Variants in NME8 observed in about 807,000 individuals in gnomAD.
NME8 encodes protein NME8.
NME8 carries 72 observed loss-of-function variants against 82.3 expected under a neutral mutation model. That is an observed-to-expected ratio of 0.87 (90% CI 0.72 to 1.06). The LOEUF (loss-of-function observed/expected upper bound fraction) is 1.06. NME8 is among the 50% of genes least tolerant of loss of function. The probability of loss-of-function intolerance (pLI) is 0.00; values close to 1 mark genes in which losing one functional copy is unlikely to be tolerated. For synonymous variants in NME8, 267 were observed against 228.5 expected, an observed-to-expected ratio of 1.17 and a Z score of -1.52; for missense variants, 712 against 685.4, an observed-to-expected ratio of 1.04 and a Z score of -0.43.
At chr7:37,893,403 T>C (rs543135446) in intron 15 of NME8, among the ~76,000 whole-genome samples, 11 of 152,278 alleles carry the variant, frequency 7.2e-5, no homozygotes, top group Non-Finnish European at 1.6e-4. Flanking sequence ...TTCCTTGTTG[T>C]TTTTAGAGGA....
At chr7:37,860,005 C>T (rs1200889509) in intron 6 of NME8, among the ~76,000 whole-genome samples, 1 of 152,132 alleles carries the variant, frequency 6.6e-6, no homozygotes, top group South Asian at 2.1e-4. Flanking sequence ...TTTTAGCTGA[C>T]AACAGATTCA....
At chr7:37,876,241 G>A (rs919335925) in intron 11 of NME8, among the ~76,000 whole-genome samples, 21 of 97,008 alleles carry the variant, frequency 2.2e-4, no homozygotes, top group African/African-American at 5.5e-4. Flanking sequence ...TAGATAGATA[G>A]ATAGATAGAT....
At chr7:37,899,328 A>G (rs183907055) in intron 17 of NME8, among the ~76,000 whole-genome samples, 46 of 152,342 alleles carry the variant, frequency 3.0e-4, no homozygotes, top group African/African-American at 1.0e-3. Flanking sequence ...TGGTACATAT[A>G]TGGCATGGAA....
intron 7 of NME8, among the ~76,000 whole-genome samples, chr7:37,862,748 A>G (rs1332082176): frequency 6.6e-6 from 1 of 152,136 alleles, no homozygotes; most frequent in South Asian, 2.1e-4. Flanking sequence ...GATATTTAAC[A>G]TGATTATCAT....
At chr7:37,852,318 G>T (rs142492633) in intron 5 of NME8, among the ~76,000 whole-genome samples, 48 of 151,480 alleles carry the variant, frequency 3.2e-4, no homozygotes, top group African/African-American at 1.1e-3. Flanking sequence ...GTGGTACATT[G>T]TTACAACGGA....
chr7:37,852,635 A>G (rs1784453596), intron 5 of NME8, among the ~76,000 whole-genome samples: 1 of 152,100 alleles, frequency 6.6e-6, no homozygotes, highest in African/African-American at 2.4e-5. Flanking sequence ...TTACTTAGTG[A>G]TATGCGCCAT....
intron 12 of NME8, among the ~76,000 whole-genome samples, chr7:37,882,602 AGAGAGAGAGAGAGAAAG>A (rs1784974034): frequency 2.9e-4 from 27 of 91,702 alleles, no homozygotes; most frequent in African/African-American, 8.9e-4. Flanking sequence ...AAAGAAAGAG[AGAGAGAGAGAGAGAAAG>A]AAAGAAAGAA....
At chr7:37,850,531 T>C (rs1356978539) in intron 4 of NME8, 96 bp downstream of exon 4, 7 of 1,532,920 alleles carry the variant, frequency 4.6e-6, no homozygotes, top group African/African-American at 1.4e-5. Flanking sequence ...GACCAAGAAA[T>C]CCTGCAGTGC....
At chr7:37,868,043 T>A (rs1256110515) in intron 11 of NME8, 145 bp downstream of exon 11, 1 of 736,436 alleles carries the variant, frequency 1.4e-6, no homozygotes, top group Non-Finnish European at 2.4e-6. Flanking sequence ...TACTGTATAT[T>A]CAGAAGAGCT....
intron 12 of NME8, among the ~76,000 whole-genome samples, chr7:37,881,355 T>C (rs1245126157): frequency 6.6e-6 from 1 of 152,166 alleles, no homozygotes; most frequent in Non-Finnish European, 1.5e-5. Flanking sequence ...CTGGTAATAA[T>C]TTTTATCATG....
At chr7:37,853,565 G>A (rs1177473675) in intron 5 of NME8, among the ~76,000 whole-genome samples, 1 of 152,146 alleles carries the variant, frequency 6.6e-6, no homozygotes. Flanking sequence ...GTGAATCCTG[G>A]CAGTTGGCAT....
intron 17 of NME8, among the ~76,000 whole-genome samples, chr7:37,899,297 A>G (rs1029663451): frequency 4.6e-5 from 7 of 152,216 alleles, no homozygotes; most frequent in Non-Finnish European, 2.9e-5. Flanking sequence ...CCCATCAATG[A>G]TAGACTGGAT....
At chr7:37,853,910 T>C (rs1369827718) in intron 5 of NME8, among the ~76,000 whole-genome samples, 1 of 150,898 alleles carries the variant, frequency 6.6e-6, no homozygotes, top group Admixed American at 6.6e-5. Context: ...TAATAGTGTT[T>C]ATTATAGTTA....
At chr7:37,882,583 GAAAGAAAGAA>G (rs1253601053) in intron 12 of NME8, among the ~76,000 whole-genome samples, 17 of 54,268 alleles carry the variant, frequency 3.1e-4, no homozygotes, top group African/African-American at 1.2e-3. Flanking sequence ...AAGAAAGAAA[GAAAGAAAGAA>G]AGAAAGAGAG....
chr7:37,892,465 T>A (rs892513909), intron 15 of NME8, among the ~76,000 whole-genome samples: 7 of 151,722 alleles, frequency 4.6e-5, no homozygotes. Flanking sequence ...GAAGTCAAAT[T>A]TCTTAAATAC....
chr7:37,864,584 C>T (rs916430524), intron 9 of NME8, among the ~76,000 whole-genome samples, 163 bp downstream of exon 9: 1 of 152,052 alleles, frequency 6.6e-6, no homozygotes, highest in African/African-American at 2.4e-5. Flanking sequence ...TTACAAGGCT[C>T]GATCTATTCA....
At chr7:37,886,696 T>C (rs1021354860) in intron 14 of NME8, among the ~76,000 whole-genome samples, 1 of 152,080 alleles carries the variant, frequency 6.6e-6, no homozygotes, top group Non-Finnish European at 1.5e-5. Flanking sequence ...ATGCTCTGCA[T>C]TGAGTAGAGT....
At chr7:37,870,243 C>G (rs1408988287) in intron 11 of NME8, among the ~76,000 whole-genome samples, 1 of 24,024 alleles carries the variant, frequency 4.2e-5, no homozygotes, top group African/African-American at 1.7e-4. Flanking sequence ...AGCTGATGAA[C>G]TTAAAAAAAA....
At chr7:37,895,075 T>C (rs1785202365) in intron 16 of NME8, among the ~76,000 whole-genome samples, 1 of 152,180 alleles carries the variant, frequency 6.6e-6, no homozygotes, top group Non-Finnish European at 1.5e-5. Flanking sequence ...GGCTACATAA[T>C]TGATGTGTTG....
Sources: allele counts gnomAD v4.1 joint callset (sites outside exome capture counted in the v4.1 genomes callset), GRCh38; gene constraint gnomAD v4.1.1; transcripts MANE v1.5; gene names NCBI Gene and HGNC (gene_info 2026-07-23, HGNC 2026-07-21).